Variants in CNTNAP2 observed in about 807,000 individuals in gnomAD.
CNTNAP2 encodes contactin associated protein 2, also known as contactin-associated protein-like 2.
In CNTNAP2, 98 loss-of-function variants were observed where a neutral mutation model predicts 155.2. The ratio of observed to expected loss-of-function variants is 0.63; its 90% CI spans 0.54 to 0.75. The LOEUF is 0.75. Ranked by LOEUF, CNTNAP2 falls within the 30% of genes least tolerant of loss-of-function variation. CNTNAP2 has a pLI of 0.00. For synonymous variants in CNTNAP2, 651 were observed against 631.2 expected (o/e 1.03, Z -0.47); for missense variants, 1,727 against 1,688.1 (o/e 1.02, Z -0.40).
At chr7:148,327,917 C>T (rs996043479) in intron 21 of CNTNAP2, among the ~76,000 whole-genome samples, 27 of 152,096 alleles carry the variant, frequency 1.8e-4, no homozygotes, top group African/African-American at 6.3e-4. Flanking sequence ...ATCTTCTGAC[C>T]TTGATCCAGA....
intron 9 of CNTNAP2, among the ~76,000 whole-genome samples, chr7:147,319,523 G>A (rs891669625): frequency 5.3e-5 from 8 of 151,966 alleles, no homozygotes; most frequent in East Asian, 3.9e-4. Context: ...GACTATAGGC[G>A]TGCACCACCA....
chr7:146,744,592 G>T lies in CNTNAP2; in HGVS notation c.98-29679G>T, dbSNP rs144202365. Among the ~76,000 whole-genome samples the T allele has an allele frequency of 8.5e-5, 13 of 152,274 alleles. No homozygotes were observed. The East Asian group carries it at 2.3e-3, about 27-fold the overall frequency. ...GTCTGCATTGCTTGAAAATGGAGTT[G>T]TTAAGTCAAAACTCTTAAGCTGCCA... On this transcript the variant is annotated intron_variant, in intron 1 of 23. Coordinates refer to ENST00000361727, the MANE Select transcript of CNTNAP2 (RefSeq NM_014141.6).
chr7:146,820,110 A>C (rs1019122128), intron 2 of CNTNAP2, among the ~76,000 whole-genome samples: 2 of 152,198 alleles, frequency 1.3e-5, no homozygotes, highest in African/African-American at 4.8e-5. Flanking sequence ...AGAGCATCTC[A>C]TGCTTTCTGA....
chr7:146,988,670 CTG>C (rs1266549937), intron 3 of CNTNAP2, among the ~76,000 whole-genome samples: 1 of 152,236 alleles, frequency 6.6e-6, no homozygotes, highest in East Asian at 1.9e-4. Flanking sequence ...GTCCAAGATG[CTG>C]ATATGTATCT....
intron 15 of CNTNAP2, among the ~76,000 whole-genome samples, chr7:148,046,115 C>G (rs1802769646): frequency 6.6e-6 from 1 of 152,104 alleles, no homozygotes; most frequent in Non-Finnish European, 1.5e-5. Flanking sequence ...GGGTCTCACT[C>G]TGTTGCCCAG....
At chr7:146,746,570 A>G (rs1801812893) in intron 1 of CNTNAP2, among the ~76,000 whole-genome samples, 1 of 152,150 alleles carries the variant, frequency 6.6e-6, no homozygotes, top group African/African-American at 2.4e-5. Flanking sequence ...TATGAAAATG[A>G]GTCTCTCCCT....
intron 1 of CNTNAP2, among the ~76,000 whole-genome samples, chr7:146,494,370 T>C (rs866952073): frequency 6.6e-6 from 1 of 151,326 alleles, no homozygotes; most frequent in Non-Finnish European, 1.5e-5. Flanking sequence ...AATAAATAAA[T>C]AAAAATAAAA....
intron 12 of CNTNAP2, among the ~76,000 whole-genome samples, chr7:147,602,613 A>G (rs1800973262): frequency 6.6e-6 from 1 of 151,318 alleles, no homozygotes; most frequent in Non-Finnish European, 1.5e-5. Context: ...AACATTAGGT[A>G]TATCTCCTAA....
intron 1 of CNTNAP2, among the ~76,000 whole-genome samples, chr7:146,240,067 A>G (rs1387927606): frequency 6.6e-6 from 1 of 152,236 alleles, no homozygotes; most frequent in Non-Finnish European, 1.5e-5. Context: ...AATAAAGTTT[A>G]TTGAACACCT....
chr7:147,557,082 G>A (rs1217995727), intron 11 of CNTNAP2, among the ~76,000 whole-genome samples: 1 of 151,972 alleles, frequency 6.6e-6, no homozygotes, highest in African/African-American at 2.4e-5. Context: ...TGGCCAACAT[G>A]GTGAAACCCC....
At chr7:147,363,200 G>A (rs1252600010) in intron 9 of CNTNAP2, among the ~76,000 whole-genome samples, 1 of 152,180 alleles carries the variant, frequency 6.6e-6, no homozygotes, top group Non-Finnish European at 1.5e-5. Flanking sequence ...CCTATAAAAA[G>A]AGAAGGAGAC....
intron 1 of CNTNAP2, among the ~76,000 whole-genome samples, chr7:146,614,340 T>C (rs377553854): frequency 1.3e-4 from 20 of 152,218 alleles, no homozygotes; most frequent in African/African-American, 4.8e-4. Flanking sequence ...GAAATACATA[T>C]AAATGTTAGT....
intron 10 of CNTNAP2, among the ~76,000 whole-genome samples, chr7:147,424,637 T>G (rs1797349665): frequency 6.6e-6 from 1 of 152,180 alleles, no homozygotes; most frequent in African/African-American, 2.4e-5. Context: ...ATCTGTATGT[T>G]GACTTATCTC....
chr7:146,505,385 G>A (rs1797367874), intron 1 of CNTNAP2, among the ~76,000 whole-genome samples: 1 of 152,220 alleles, frequency 6.6e-6, no homozygotes, highest in Admixed American at 6.5e-5. Flanking sequence ...TACAGGCCAA[G>A]CTTTCATCTC....
chr7:146,309,627 C>T (rs1175399462), intron 1 of CNTNAP2, among the ~76,000 whole-genome samples: 2 of 151,924 alleles, frequency 1.3e-5, no homozygotes, highest in Admixed American at 6.6e-5. Flanking sequence ...CATGGTGAAA[C>T]CCTGTCTTTA....
chr7:147,288,161 C>T (rs1355437573), intron 8 of CNTNAP2, among the ~76,000 whole-genome samples: 2 of 152,122 alleles, frequency 1.3e-5, no homozygotes, highest in African/African-American at 4.8e-5. Flanking sequence ...ACTGTCACCT[C>T]CTCAGAGCAT....
chr7:148,266,488 C>T (rs912409033), intron 20 of CNTNAP2, among the ~76,000 whole-genome samples: 1 of 152,192 alleles, frequency 6.6e-6, no homozygotes, highest in African/African-American at 2.4e-5. Flanking sequence ...CTTCATTTCT[C>T]TCCCTCTGCT....
chr7:148,217,537 A>T lies in CNTNAP2; in HGVS notation c.3247+13A>T, dbSNP rs1795666696. ...GTCAAACCCACTGGTAAGGACAAGGATACCCAGCCTCTGCCATTTAACATT... is the reference window on the plus strand; with the variant it reads ...GTCAAACCCACTGGTAAGGACAAGGTTACCCAGCCTCTGCCATTTAACATT... On this transcript the variant is annotated intron_variant, in intron 19 of 23. Transcript: ENST00000361727. The T allele has an allele frequency of 6.2e-7, 1 of 1,611,458 alleles. No homozygotes were observed. Among genetic ancestry groups the T allele is most frequent in the Non-Finnish European group, 8.5e-7 (1 of 1,177,530 alleles).
At chr7:147,988,815 T>C (rs1407826228) in intron 15 of CNTNAP2, among the ~76,000 whole-genome samples, 3 of 152,216 alleles carry the variant, frequency 2.0e-5, no homozygotes, top group Non-Finnish European at 4.4e-5. Flanking sequence ...AGAGAATTAG[T>C]CTTGGCCTAT....
Sources: allele counts gnomAD v4.1 joint callset (sites outside exome capture counted in the v4.1 genomes callset), GRCh38; gene constraint gnomAD v4.1.1; transcripts MANE v1.5; gene names NCBI Gene and HGNC (gene_info 2026-07-23, HGNC 2026-07-21).